The following SCFD2 variants were observed in gnomAD, a reference collection of about 807,000 sequenced individuals.
SCFD2 encodes the protein sec1 family domain-containing protein 2.
In SCFD2, 54 loss-of-function variants were observed where a neutral mutation model predicts 58.9. The observed-to-expected ratio is 0.92, with a 90% CI of 0.74 to 1.15. SCFD2 has a LOEUF of 1.15. Among genes scored for constraint, SCFD2 ranks in the 50% most tolerant of loss-of-function variants. SCFD2 has a pLI of 0.00. For missense variants in SCFD2, 805 were observed against 836.6 expected, an observed-to-expected ratio of 0.96 and a Z score of 0.47; for synonymous variants, 321 against 335.9, an observed-to-expected ratio of 0.96 and a Z score of 0.49.
intron 2 of SCFD2, among the ~76,000 whole-genome samples, chr4:53,327,506 A>C (rs10020534): frequency 0.19 from 28,249 of 152,154 alleles, 2,931 homozygotes; most frequent in Non-Finnish European, 0.24. Context: ...AGAGGACTCC[A>C]GTGCAGAAGC....
chr4:53,190,564 C>G (rs1727863740), intron 4 of SCFD2, among the ~76,000 whole-genome samples: 2 of 152,174 alleles, frequency 1.3e-5, no homozygotes, highest in South Asian at 4.1e-4. Context: ...ACTTCCTATT[C>G]CATGGCATTT....
intron 3 of SCFD2, among the ~76,000 whole-genome samples, chr4:53,281,005 A>G (rs552140029): frequency 1.2e-4 from 18 of 152,348 alleles, no homozygotes; most frequent in African/African-American, 4.3e-4. Context: ...TGAGTACCCT[A>G]TGAAGCACCC....
chr4:53,229,327 G>A (rs554337298), intron 4 of SCFD2, among the ~76,000 whole-genome samples: 418 of 152,132 alleles, frequency 2.7e-3, no homozygotes, highest in African/African-American at 9.4e-3. Flanking sequence ...ATCCTAAGCC[G>A]AAAGAACAAA....
At chr4:53,120,243 A>G (rs1455198437) in intron 5 of SCFD2, among the ~76,000 whole-genome samples, 2 of 152,198 alleles carry the variant, frequency 1.3e-5, no homozygotes, top group African/African-American at 4.8e-5. Context: ...TTAGTGGCAC[A>G]TTTTTATAAT....
At chr4:53,225,925 A>G (rs1729197807) in intron 4 of SCFD2, among the ~76,000 whole-genome samples, 1 of 151,924 alleles carries the variant, frequency 6.6e-6, no homozygotes, top group African/African-American at 2.4e-5. Context: ...GTTTACCAAT[A>G]TTTTCCGGTA....
chr4:53,345,441 C>G (rs1196115716), intron 2 of SCFD2, among the ~76,000 whole-genome samples: 1 of 152,010 alleles, frequency 6.6e-6, no homozygotes, highest in Non-Finnish European at 1.5e-5. Flanking sequence ...AAAAAATCAT[C>G]AAACAATAGC....
At chr4:53,099,855 T>C (rs1236087649) in intron 5 of SCFD2, among the ~76,000 whole-genome samples, 2 of 152,184 alleles carry the variant, frequency 1.3e-5, no homozygotes, top group East Asian at 1.9e-4. Context: ...ATCCAAACCA[T>C]AGCAGAGGAT....
chr4:52,932,800 CTGT>C (rs1293180382), intron 5 of SCFD2, among the ~76,000 whole-genome samples: 2 of 152,130 alleles, frequency 1.3e-5, no homozygotes, highest in African/African-American at 2.4e-5. Flanking sequence ...TCCACTGCAC[CTGT>C]TGTTGTAAAT....
chr4:53,352,487 T>C, intron 2 of SCFD2, 111 bp downstream of exon 2: 2 of 875,560 alleles, frequency 2.3e-6, no homozygotes, highest in East Asian at 5.3e-5. Context: ...ACTGTGAAAT[T>C]TTCAACCAGA....
intron 7 of SCFD2, among the ~76,000 whole-genome samples, chr4:52,894,333 A>G (rs910805332): frequency 1.3e-5 from 2 of 152,230 alleles, no homozygotes; most frequent in African/African-American, 4.8e-5. Flanking sequence ...TTTAGCAGAG[A>G]AAGCATCTTG....
chr4:52,979,283 T>A (rs1402954061), intron 5 of SCFD2, among the ~76,000 whole-genome samples: 1 of 151,966 alleles, frequency 6.6e-6, no homozygotes, highest in Non-Finnish European at 1.5e-5. Flanking sequence ...AACCCACTCT[T>A]TTCTCTCTCT....
intron 5 of SCFD2, among the ~76,000 whole-genome samples, chr4:52,982,856 T>C (rs1577878159): frequency 6.6e-6 from 1 of 152,282 alleles, no homozygotes; most frequent in East Asian, 1.9e-4. Context: ...CTATACTTCA[T>C]CCCAATTTAT....
intron 6 of SCFD2, among the ~76,000 whole-genome samples, chr4:52,912,528 C>T (rs1027382349): frequency 1.3e-5 from 2 of 151,698 alleles, no homozygotes; most frequent in Non-Finnish European, 2.9e-5. Context: ...AAAAAAAAAC[C>T]CTCTAAATTT....
intron 4 of SCFD2, among the ~76,000 whole-genome samples, chr4:53,236,611 A>T (rs1442842082): frequency 5.3e-5 from 8 of 150,464 alleles, no homozygotes; most frequent in Non-Finnish European, 5.9e-5. Flanking sequence ...GCAGTTCAAA[A>T]TGAATAATCA....
At chr4:53,040,051 T>C (rs1315542058) in intron 5 of SCFD2, among the ~76,000 whole-genome samples, 1 of 152,220 alleles carries the variant, frequency 6.6e-6, no homozygotes, top group African/African-American at 2.4e-5. Flanking sequence ...GGCTTCATGC[T>C]ATTAACAAAT....
At chr4:53,297,991 A>C (rs1345700173) in intron 3 of SCFD2, among the ~76,000 whole-genome samples, 8 of 152,154 alleles carry the variant, frequency 5.3e-5, no homozygotes, top group Non-Finnish European at 8.8e-5. Flanking sequence ...GAATAGGAAC[A>C]GCTCCAGTCT....
chr4:53,065,762 C>T (rs1345439878), intron 5 of SCFD2, among the ~76,000 whole-genome samples: 1 of 151,964 alleles, frequency 6.6e-6, no homozygotes, highest in African/African-American at 2.4e-5. Flanking sequence ...ATTAAATACA[C>T]ATAGTGCTTC....
intron 3 of SCFD2, among the ~76,000 whole-genome samples, chr4:53,310,110 A>T (rs1218391790): frequency 6.6e-6 from 1 of 152,212 alleles, no homozygotes; most frequent in Non-Finnish European, 1.5e-5. Flanking sequence ...GAGGTCGAGA[A>T]GGATGGTGAC....
chr4:53,017,247 G>A (rs1269340565), intron 5 of SCFD2, among the ~76,000 whole-genome samples: 5 of 152,126 alleles, frequency 3.3e-5, no homozygotes, highest in Non-Finnish European at 7.3e-5. Context: ...CAGGGGTGGA[G>A]GTAGTTATGC....
Sources: gnomAD v4.1 joint callset for allele counts (sites outside exome capture counted in the v4.1 genomes callset) on GRCh38, gnomAD v4.1.1 for gene constraint, MANE v1.5 for transcripts, NCBI Gene and HGNC (gene_info 2026-07-23, HGNC 2026-07-21) for gene names.